SPATA22: variants seen among roughly 807,000 people sequenced by gnomAD.
The protein encoded by SPATA22 is spermatogenesis-associated protein 22.
A neutral mutation model predicts 47.8 loss-of-function variants in SPATA22; 29 were observed. The observed-to-expected ratio is 0.61, with a 90% confidence interval of 0.45 to 0.83. The LOEUF is 0.83. SPATA22 is among the 40% of genes least tolerant of loss of function. The pLI is 0.00. For synonymous variants in SPATA22, 133 were observed against 140.9 expected (o/e 0.94, Z 0.40); for missense variants, 410 against 421.7 (o/e 0.97, Z 0.24).
chr17:3,457,440 C>T (rs532283922), intron 5 of SPATA22, among the ~76,000 whole-genome samples: 47 of 152,224 alleles, frequency 3.1e-4, no homozygotes, highest in Admixed American at 1.3e-3. Context: ...CAATCCCTAT[C>T]AAAATTTCAA....
upstream of SPATA22, among the ~76,000 whole-genome samples, chr17:3,474,955 C>T (rs1385839185): frequency 6.6e-6 from 1 of 152,170 alleles, no homozygotes; most frequent in South Asian, 2.1e-4. Flanking sequence ...ACCTCTCTTT[C>T]GTTTACCCCT....
chr17:3,467,560 T>A lies in SPATA22; in HGVS notation c.44-6A>T. On this transcript the variant is annotated splice_region_variant and splice_polypyrimidine_tract_variant and intron_variant, in intron 2 of 8. Transcript: ENST00000572969. ...CAACGGAACAGGCAAACAGCCTAAA[T>A]TGAATGTACCAATAAATTAGTACAT... The A allele has an allele frequency of 6.2e-7, 1 of 1,600,930 alleles. No individual in the cohort carries two copies. Among genetic ancestry groups the A allele is most frequent in the Non-Finnish European group, 8.5e-7 (1 of 1,174,318 alleles).
intron 6 of SPATA22, among the ~76,000 whole-genome samples, chr17:3,447,980 G>C (rs1359379837): frequency 6.6e-6 from 1 of 152,190 alleles, no homozygotes; most frequent in African/African-American, 2.4e-5. Context: ...CAAGGGGCCA[G>C]GGAGCAGAGA....
chr17:3,500,950 GA>G (rs34972440), intron 1 of SPATA22: 111,791 of 150,268 alleles, frequency 0.74, 43,327 homozygotes, highest in Non-Finnish European at 0.85. Context: ...TACTGCTTGG[GA>G]AAAAAAAAAA....
intron 1 of SPATA22, among the ~76,000 whole-genome samples, chr17:3,497,652 C>T (rs535723580): frequency 1.3e-5 from 2 of 152,288 alleles, no homozygotes; most frequent in African/African-American, 4.8e-5. Context: ...AATGTGCCAC[C>T]AGGATGGAGA....
At chr17:3,464,325 C>G (rs937449048) in intron 3 of SPATA22, among the ~76,000 whole-genome samples, 16 of 150,994 alleles carry the variant, frequency 1.1e-4, no homozygotes, top group Admixed American at 4.6e-4. Flanking sequence ...GATCTCGGCT[C>G]GCTACAACCT....
upstream of SPATA22, among the ~76,000 whole-genome samples, chr17:3,473,490 C>CTTTTGTTTTG (rs1027564141): frequency 6.6e-6 from 1 of 152,044 alleles, no homozygotes; most frequent in African/African-American, 2.4e-5. Flanking sequence ...CTCTGCTCTC[C>CTTTTGTTTTG]TTTTGTTTTG....
At chr17:3,476,445 G>A (rs757598118), upstream of SPATA22, 3 of 1,552,618 alleles carry the variant, frequency 1.9e-6, no homozygotes, top group Non-Finnish European at 2.7e-6. Context: ...GTGAAAAGTG[G>A]TAGGTGTGTG....
intron 1 of SPATA22, among the ~76,000 whole-genome samples, chr17:3,487,815 A>T (rs2073754092): frequency 6.6e-6 from 1 of 152,234 alleles, no homozygotes. Context: ...GGATTCTATT[A>T]GAAACAGGAG....
chr17:3,476,627 GT>G (rs2073528030), upstream of SPATA22, among the ~76,000 whole-genome samples: 1 of 152,134 alleles, frequency 6.6e-6, no homozygotes, highest in Admixed American at 6.5e-5. Context: ...AGATTATTAA[GT>G]TTTCTTTTCA....
At chr17:3,444,105 G>A (rs372108783) in intron 7 of SPATA22, among the ~76,000 whole-genome samples, 2 of 151,990 alleles carry the variant, frequency 1.3e-5, no homozygotes, top group African/African-American at 2.4e-5. Flanking sequence ...TGTAATTCAT[G>A]TTTATCTCAA....
At chr17:3,513,843 C>T in exon 1 of SPATA22, 1 of 1,308,734 alleles carries the variant, frequency 7.6e-7, no homozygotes, top group Non-Finnish European at 1.1e-6. Context: ...CCCTCAAAGC[C>T]TCTCTGCACA....
chr17:3,499,057 A>T lies in SPATA22; in HGVS notation c.-74+14355T>A. 6.2e-7 allele frequency: 1 copy of T among 1,614,194 alleles called. No individual in the cohort carries two copies. Among genetic ancestry groups the T allele is most frequent in the Non-Finnish European group, 8.5e-7 (1 of 1,180,022 alleles). On this transcript the variant is annotated intron_variant, in intron 1 of 8. Coordinates refer to the SPATA22 transcript ENST00000541913. ...GCAAAGACAACTAAACTAACGCTCA[A>T]TGCAAAAAGTATTCGCTGCTGTTTA...
chr17:3,507,730 C>T (rs901337046), intron 1 of SPATA22, among the ~76,000 whole-genome samples: 8 of 152,304 alleles, frequency 5.3e-5, no homozygotes, highest in East Asian at 3.9e-4. Context: ...AAAACAATAA[C>T]CAACATGACC....
chr17:3,506,840 C>T (rs1041357441), intron 1 of SPATA22, among the ~76,000 whole-genome samples: 5 of 152,144 alleles, frequency 3.3e-5, no homozygotes, highest in Admixed American at 6.5e-5. Context: ...ACTTGTGAGG[C>T]TGAGGCAGGA....
At chr17:3,451,674 C>T (rs2072863013) in intron 5 of SPATA22, among the ~76,000 whole-genome samples, 1 of 152,098 alleles carries the variant, frequency 6.6e-6, no homozygotes, top group African/African-American at 2.4e-5. Flanking sequence ...ATTCGCCAGG[C>T]ATGGTGGCTT....
chr17:3,479,426 C>T lies in SPATA22; in HGVS notation c.-73-10028G>A, dbSNP rs115983778. Reference sequence around the variant, plus strand: ...ATATCCATTAGGCTTGGTTTGCATACAATAGGAACCTAAGAATAGTGGTTT... The same window carrying T: ...ATATCCATTAGGCTTGGTTTGCATATAATAGGAACCTAAGAATAGTGGTTT... On this transcript the variant is annotated intron_variant, in intron 1 of 8. Transcript: ENST00000541913. Among the ~76,000 whole-genome samples, 548 of 152,278 alleles carry T rather than the reference C, an allele frequency of 3.6e-3. 5 individuals carry two copies. Among genetic ancestry groups the T allele is most frequent in the African/African-American group, 0.012 (501 of 41,548 alleles).
intron 5 of SPATA22, among the ~76,000 whole-genome samples, chr17:3,455,910 A>T (rs2072981504): frequency 6.6e-6 from 1 of 152,054 alleles, no homozygotes; most frequent in South Asian, 2.1e-4. Flanking sequence ...CACGATATTG[A>T]TTCTTCCTAC....
chr17:3,511,299 A>C (rs2074110287), intron 1 of SPATA22: 1 of 152,182 alleles, frequency 6.6e-6, no homozygotes, highest in South Asian at 2.1e-4. Flanking sequence ...CTGCCCCCCA[A>C]TATAAGCGAA....
Sources: gnomAD v4.1 joint callset for allele counts (sites outside exome capture counted in the v4.1 genomes callset) on GRCh38, gnomAD v4.1.1 for gene constraint, MANE v1.5 for transcripts, NCBI Gene and HGNC (gene_info 2026-07-23, HGNC 2026-07-21) for gene names.